DEGS1: variants seen among roughly 807,000 people sequenced by gnomAD.
DEGS1 encodes sphingolipid delta(4)-desaturase DES1.
DEGS1 carries 17 observed loss-of-function variants against 24.1 expected under a neutral mutation model. That is an observed-to-expected ratio of 0.70 (90% CI 0.48 to 1.06). The LOEUF (loss-of-function observed/expected upper bound fraction) is 1.06. DEGS1 is among the 50% of genes least tolerant of loss of function. The probability of loss-of-function intolerance (pLI) is 0.00; values close to 1 mark genes in which losing one functional copy is unlikely to be tolerated. For missense variants in DEGS1, 366 were observed against 408.9 expected, an observed-to-expected ratio of 0.90 and a Z score of 0.91; for synonymous variants, 134 against 140.0, an observed-to-expected ratio of 0.96 and a Z score of 0.30.
At position 224,192,316 on chromosome 1, in the gene DEGS1, AT is replaced by A. The variant is rs745337176; in HGVS notation, c.826-10del. On this transcript the variant is annotated splice_polypyrimidine_tract_variant and intron_variant, in intron 2 of 2. Coordinates refer to ENST00000323699, the MANE Select transcript of DEGS1 (RefSeq NM_003676.4). ...TAACACTCATTTTTCATCTTGCTGT[AT>A]TTTTTCCCTTCTAGGTGAGGAAAAT... 1 of 1,601,966 alleles carries A rather than the reference AT, an allele frequency of 6.2e-7. No homozygotes were observed. The highest frequency in any genetic ancestry group is 8.5e-7 in the Non-Finnish European group (1 of 1,176,644).
chr1:224,189,207 C>T (rs889442220), intron 1 of DEGS1, among the ~76,000 whole-genome samples: 1 of 152,092 alleles, frequency 6.6e-6, no homozygotes, highest in African/African-American at 2.4e-5. Flanking sequence ...TTTAGGGTAA[C>T]TACAAAATGT....
intron 1 of DEGS1, among the ~76,000 whole-genome samples, chr1:224,189,236 T>C (rs1484405956): frequency 2.0e-5 from 3 of 152,198 alleles, no homozygotes; most frequent in Non-Finnish European, 4.4e-5. Context: ...TTCTATCCTT[T>C]GTCAGATGTG....
chr1:224,185,700 G>T (rs1658366406), intron 1 of DEGS1, among the ~76,000 whole-genome samples: 1 of 151,984 alleles, frequency 6.6e-6, no homozygotes, highest in Non-Finnish European at 1.5e-5. Context: ...TAGAGACAGG[G>T]TTTTGCCACA....
At chr1:224,183,690 G>A in intron 1 of DEGS1, 1 of 292,518 alleles carries the variant, frequency 3.4e-6, no homozygotes, top group Non-Finnish European at 6.3e-6. Context: ...GGGAGTCCCC[G>A]CCAGGCCCAC....
At chr1:224,183,730 G>A (rs1180719465) in intron 1 of DEGS1, 5 of 247,478 alleles carry the variant, frequency 2.0e-5, no homozygotes, top group Admixed American at 5.6e-5. Flanking sequence ...GGGTGTCCCC[G>A]GCTGTGCCAG....
Position 224,183,275 on chromosome 1 carries a change from A to G in DEGS1, c.-62A>G. 3 of 1,397,346 alleles carry G rather than the reference A, an allele frequency of 2.1e-6. No homozygotes were observed. Among genetic ancestry groups the G allele is most frequent in the Non-Finnish European group, 2.8e-6 (3 of 1,054,026 alleles). 86.6% of individuals were successfully genotyped at this position (1,397,346 alleles called of 1,614,324 possible). A position where few individuals can be genotyped will look rare whatever the true frequency, so the allele number is the denominator to read the frequency against. ...CCGGGGAGCCGCCGCCGCCGCCGCC[A>G]CCTCTGAGCAGCCGGCTGGGAGCGA... On this transcript the variant is annotated 5_prime_UTR_variant, in exon 1 of 3. Transcript: ENST00000323699.
At chr1:224,190,408 C>T (rs1457587671) in intron 2 of DEGS1, 89 bp downstream of exon 2, 8 of 1,213,318 alleles carry the variant, frequency 6.6e-6, no homozygotes, top group Admixed American at 6.5e-5. Context: ...CCCAGGCTGG[C>T]GGGCAGTGGC....
chr1:224,191,799 A>T (rs565049924), intron 2 of DEGS1, among the ~76,000 whole-genome samples: 1 of 151,600 alleles, frequency 6.6e-6, no homozygotes, highest in Admixed American at 6.6e-5. Context: ...GTTTCACCAT[A>T]TTGGTTAGGC....
rs188238679 is a variant in DEGS1, at chr1:224,189,977, A to G, written c.483A>G (p.Ile161Met). ...WFFCTAFRKF[I>M]WVILQPLFYA... ...TCTGTACCGCTTTCAGAAAGTTTAT[A>G]TGGGTTATTCTTCAGCCTCTCTTTT... The change falls in exon 2 of 3, where the codon ATA becomes ATG. Residue 161 changes from isoleucine to methionine, a missense_variant. Transcript: ENST00000323699. 2 of 1,614,176 alleles carry G rather than the reference A, an allele frequency of 1.2e-6. No individual in the cohort carries two copies. Among genetic ancestry groups the G allele is most frequent in the Admixed American group, 1.7e-5 (1 of 60,006 alleles).
intron 1 of DEGS1, among the ~76,000 whole-genome samples, chr1:224,184,398 C>T (rs935890283): frequency 6.6e-6 from 1 of 152,120 alleles, no homozygotes; most frequent in African/African-American, 2.4e-5. Context: ...GAAATAAGAA[C>T]GCGTGACTAA....
At chr1:224,184,401 G>A (rs1385628977) in intron 1 of DEGS1, among the ~76,000 whole-genome samples, 2 of 152,102 alleles carry the variant, frequency 1.3e-5, no homozygotes, top group African/African-American at 2.4e-5. Context: ...ATAAGAACGC[G>A]TGACTAAATG....
chr1:224,190,612 AAC>A (rs564220223), intron 2 of DEGS1, among the ~76,000 whole-genome samples: 1,811 of 150,456 alleles, frequency 0.012, 38 homozygotes, highest in African/African-American at 0.042. Flanking sequence ...AAAAAAAAAA[AAC>A]AAAAAGAGCA....
intron 2 of DEGS1, among the ~76,000 whole-genome samples, chr1:224,190,886 C>G (rs1283538136): frequency 6.6e-6 from 1 of 151,838 alleles, no homozygotes; most frequent in Non-Finnish European, 1.5e-5. Context: ...CCATGCCTGG[C>G]TAATTTTTTA....
intron 2 of DEGS1, among the ~76,000 whole-genome samples, chr1:224,191,500 C>T (rs1468619070): frequency 5.3e-5 from 8 of 151,180 alleles, no homozygotes; most frequent in African/African-American, 9.7e-5. Context: ...ATTATACATA[C>T]GAACCACTGT....
In DEGS1 at chr1:224,190,281, C is replaced by A. The variant is rs766555445; in HGVS notation, c.787C>A (p.His263Asn). Residue 263 changes from histidine (H) to asparagine (N), a missense_variant, in exon 2 of 3, where the codon CAT becomes AAT. By Grantham distance (68) the His-to-Asn change is moderately conservative. Transcript: ENST00000323699. ...CAATGTGGGTTATCATAATGAACAT[C>A]ATGATTTCCCCAACATTCCTGGAAA... ...TFNVGYHNEH[H>N]DFPNIPGKSL... The A allele has an allele frequency of 1.3e-6, 2 of 1,493,706 alleles. No individual in the cohort carries two copies. Among genetic ancestry groups the A allele is most frequent in the Admixed American group, 2.5e-5 (1 of 40,480 alleles). 92.5% of individuals were successfully genotyped at this position (1,493,706 alleles called of 1,614,324 possible).
chr1:224,186,257 G>A (rs989898927), intron 1 of DEGS1, among the ~76,000 whole-genome samples: 1 of 152,116 alleles, frequency 6.6e-6, no homozygotes, highest in Non-Finnish European at 1.5e-5. Flanking sequence ...GCAGTGAGCC[G>A]TGATTGCCCC....
At position 224,189,921 on chromosome 1, in the gene DEGS1, G is replaced by C; in HGVS notation, c.427G>C (p.Asp143His). 6.2e-7 allele frequency: 1 copy of C among 1,614,192 alleles called. No homozygotes were observed. The highest frequency in any genetic ancestry group is 2.2e-5 in the East Asian group (1 of 44,890). ...RYLGADGVDV[D>H]IPTDFEGWFF... ...CCTTGGAGCTGATGGCGTCGATGTA[G>C]ATATTCCTACCGATTTTGAGGGCTG... The change falls in exon 2 of 3, where the codon GAT (aspartate) becomes CAT (histidine). Residue 143 changes from aspartate to histidine, a missense_variant. Physicochemically the swap from Asp to His is moderately conservative, Grantham distance 81. Coordinates refer to ENST00000323699, the MANE Select transcript of DEGS1 (RefSeq NM_003676.4).
At chr1:224,184,232 C>T (rs980950083) in intron 1 of DEGS1, among the ~76,000 whole-genome samples, 6 of 152,196 alleles carry the variant, frequency 3.9e-5, no homozygotes, top group African/African-American at 2.4e-5. Flanking sequence ...CTTAACTCTC[C>T]AGAGGATTCG....
chr1:224,188,765 G>A (rs777171363), intron 1 of DEGS1, among the ~76,000 whole-genome samples: 6 of 152,114 alleles, frequency 3.9e-5, no homozygotes, highest in Non-Finnish European at 5.9e-5. Flanking sequence ...ACATAACCCC[G>A]CTTCTGTGGA....
Sources: allele counts gnomAD v4.1 joint callset (sites outside exome capture counted in the v4.1 genomes callset), GRCh38; gene constraint gnomAD v4.1.1; transcripts MANE v1.5; gene names NCBI Gene and HGNC (gene_info 2026-07-23, HGNC 2026-07-21).